Variants in KIAA0513 observed in about 807,000 individuals in gnomAD.
KIAA0513 encodes the protein KIAA0513, also known as uncharacterized protein KIAA0513.
Under a neutral mutation model 56.5 loss-of-function variants are expected in KIAA0513, and 39 were observed. The observed-to-expected ratio is 0.69, with a 90% CI of 0.53 to 0.90. The LOEUF is 0.90. Ranked by LOEUF, KIAA0513 falls within the 40% of genes least tolerant of loss-of-function variation. KIAA0513 has a pLI of 0.00. For synonymous variants in KIAA0513, 268 were observed against 215.6 expected, an observed-to-expected ratio of 1.24 and a Z score of -2.13; for missense variants, 591 against 535.2, an observed-to-expected ratio of 1.10 and a Z score of -1.03.
Position 85,062,627 on chromosome 16 carries a change from G to C in KIAA0513, c.-172-4273G>C, listed in dbSNP as rs1436695674. Reference sequence around the variant, plus strand: ...GATGCAATCCACAGATGGGTTTTTTGACTCCCAGCGTGTTTTGAAATAAAT... The same window carrying C: ...GATGCAATCCACAGATGGGTTTTTTCACTCCCAGCGTGTTTTGAAATAAAT... On this transcript the variant is annotated intron_variant, in intron 1 of 12. Coordinates refer to ENST00000683363, the MANE Select transcript of KIAA0513 (RefSeq NM_001388359.1). 2.6e-5 allele frequency among the ~76,000 whole-genome samples: 4 copies of C among 152,294 alleles called. No individual in the cohort carries two copies. In the East Asian group the frequency reaches 7.7e-4, roughly 29 times the overall value.
chr16:85,078,476 G>A lies in KIAA0513; in HGVS notation c.823+21G>A, dbSNP rs753985328. ...GGCTGGTGAGTCTGCCCAGGCAGCAGCAGGAGACGCCCAGCCCACAGCCCC... is the reference window on the plus strand; with the variant it reads ...GGCTGGTGAGTCTGCCCAGGCAGCAACAGGAGACGCCCAGCCCACAGCCCC... On this transcript the variant is annotated intron_variant, in intron 7 of 12. Coordinates refer to ENST00000683363, the MANE Select transcript of KIAA0513 (RefSeq NM_001388359.1). 5.0e-6 allele frequency: 8 copies of A among 1,611,506 alleles called. No individual in the cohort carries two copies. In the Admixed American group the frequency reaches 8.3e-5, roughly 17 times the overall value.
chr16:85,035,040 C>A (rs371985923), intron 1 of KIAA0513, among the ~76,000 whole-genome samples: 1 of 152,228 alleles, frequency 6.6e-6, no homozygotes, highest in South Asian at 2.1e-4. Context: ...GCCCCCCTTC[C>A]CCAGGCCGAG....
chr16:85,078,303 C>G lies in KIAA0513; in HGVS notation c.783-112C>G, dbSNP rs1041391429. On this transcript the variant is annotated intron_variant, in intron 6 of 12. Transcript: ENST00000683363. Reference sequence around the variant, plus strand: ...TGATTTCATAAAAGGCTTTTCAGAGCAAGCCGTATTAAATGTACCCAGTCC... The same window carrying G: ...TGATTTCATAAAAGGCTTTTCAGAGGAAGCCGTATTAAATGTACCCAGTCC... 3.3e-5 allele frequency: 37 copies of G among 1,109,542 alleles called. No homozygotes were observed. In the Middle Eastern group the frequency reaches 1.8e-3, roughly 53 times the overall value. The allele number at this position is 1,109,542 out of a possible 1,614,324, so 68.7% of individuals were successfully genotyped here.
intron 10 of KIAA0513, 113 bp from the exon 11 acceptor site, chr16:85,086,531 C>A (rs1049867887): frequency 4.1e-6 from 4 of 983,522 alleles, no homozygotes; most frequent in Non-Finnish European, 4.7e-6. Flanking sequence ...CTTCTGTGCC[C>A]GGTGGGGGCC....
intron 8 of KIAA0513, 89 bp downstream of exon 8, chr16:85,079,092 C>T: frequency 1.3e-6 from 2 of 1,598,392 alleles, no homozygotes; most frequent in East Asian, 2.2e-5. Context: ...CCTTTGTCCC[C>T]ATCAGAATGG....
intron 1 of KIAA0513, among the ~76,000 whole-genome samples, chr16:85,060,103 G>C (rs1164576846): frequency 6.6e-6 from 1 of 152,188 alleles, no homozygotes; most frequent in Non-Finnish European, 1.5e-5. Flanking sequence ...TAGGATTACA[G>C]GCATGCACCA....
At position 85,088,596 on chromosome 16, in the gene KIAA0513, G is replaced by A; in HGVS notation, c.*271G>A. 2.1e-6 allele frequency: 1 copy of A among 479,342 alleles called. No homozygotes were observed. Among genetic ancestry groups the A allele is most frequent in the South Asian group, 2.8e-5 (1 of 36,144 alleles). 29.7% of individuals were successfully genotyped at this position (479,342 alleles called of 1,614,324 possible). Reference sequence around the variant, plus strand: ...GTTGTACCCCGAGTGCCAGGCTTGTGAGATGAGACCAAGAGGGAGGAGGGG... The same window carrying A: ...GTTGTACCCCGAGTGCCAGGCTTGTAAGATGAGACCAAGAGGGAGGAGGGG... On this transcript the variant is annotated 3_prime_UTR_variant, in exon 13 of 13. Transcript: ENST00000683363.
chr16:85,079,360 C>T (rs200517640), intron 8 of KIAA0513: 3 of 241,718 alleles, frequency 1.2e-5, no homozygotes, highest in South Asian at 9.4e-5. Context: ...GTAGCAACGT[C>T]GTTTATTATG....
intron 1 of KIAA0513, among the ~76,000 whole-genome samples, chr16:85,058,319 T>C (rs1316739025): frequency 2.0e-5 from 3 of 152,188 alleles, no homozygotes; most frequent in South Asian, 4.1e-4. Context: ...ACCAAATTGA[T>C]TTCATGTATG....
intron 2 of KIAA0513, among the ~76,000 whole-genome samples, chr16:85,067,783 CT>C (rs1165892066): frequency 1.3e-5 from 2 of 152,002 alleles, no homozygotes; most frequent in Admixed American, 6.6e-5. Context: ...CCATTATGTT[CT>C]TTTTGTTTAT....
At chr16:85,055,269 A>G (rs2073312583) in intron 1 of KIAA0513, among the ~76,000 whole-genome samples, 1 of 152,070 alleles carries the variant, frequency 6.6e-6, no homozygotes. Context: ...TAAAAATAGA[A>G]AAGGAGTGTC....
intron 1 of KIAA0513, among the ~76,000 whole-genome samples, chr16:85,047,892 C>T (rs986297258): frequency 6.6e-6 from 1 of 152,198 alleles, no homozygotes; most frequent in South Asian, 2.1e-4. Flanking sequence ...CCCCCTTCTA[C>T]CTGCTACTGG....
chr16:85,086,918 AGAGTTG>A, intron 11 of KIAA0513, 148 bp from the exon 12 acceptor site: 1 of 838,606 alleles, frequency 1.2e-6, no homozygotes. Context: ...TGCCACAGTG[AGAGTTG>A]CTGGTGGCTA....
intron 1 of KIAA0513, among the ~76,000 whole-genome samples, chr16:85,061,911 C>T (rs546498960): frequency 2.8e-4 from 42 of 152,272 alleles, no homozygotes; most frequent in African/African-American, 8.9e-4. Flanking sequence ...GGTGGCTCCC[C>T]GGCCTCATTG....
At chr16:85,080,371 G>A (rs936189897) in intron 8 of KIAA0513, among the ~76,000 whole-genome samples, 1 of 152,222 alleles carries the variant, frequency 6.6e-6, no homozygotes, top group Non-Finnish European at 1.5e-5. Flanking sequence ...GTTGTAGCGT[G>A]AACACCACCA....
At chr16:85,079,208 G>A in intron 8 of KIAA0513, 1 of 1,083,278 alleles carries the variant, frequency 9.2e-7, no homozygotes, top group Non-Finnish European at 1.3e-6. Flanking sequence ...TAGGAGCAAT[G>A]TAAATGAGCA....
intron 1 of KIAA0513, among the ~76,000 whole-genome samples, chr16:85,043,434 CAG>C (rs1357466476): frequency 1.8e-5 from 2 of 110,098 alleles, no homozygotes; most frequent in African/African-American, 3.6e-5. Context: ...TTTTTTGAGA[CAG>C]AGTCTCGCTC....
intron 1 of KIAA0513, among the ~76,000 whole-genome samples, chr16:85,064,710 C>T (rs556418192): frequency 5.3e-5 from 8 of 152,050 alleles, no homozygotes; most frequent in South Asian, 2.1e-4. Context: ...TTTTTTGAGA[C>T]GGAGTTGTGC....
At chr16:85,065,031 T>G (rs1327936033) in intron 1 of KIAA0513, among the ~76,000 whole-genome samples, 1 of 152,246 alleles carries the variant, frequency 6.6e-6, no homozygotes. Context: ...GAGTGGTTTG[T>G]GTAGCTGTTA....
Sources: gnomAD v4.1 joint callset for allele counts (sites outside exome capture counted in the v4.1 genomes callset) on GRCh38, gnomAD v4.1.1 for gene constraint, MANE v1.5 for transcripts, NCBI Gene and HGNC (gene_info 2026-07-23, HGNC 2026-07-21) for gene names.